COG8: variants seen among roughly 807,000 people sequenced by gnomAD.
COG8 encodes the protein conserved oligomeric Golgi complex subunit 8.
A neutral mutation model predicts 46.5 loss-of-function variants in COG8; 45 were observed. That is an observed-to-expected ratio of 0.97 (90% CI 0.76 to 1.24). COG8 has a LOEUF of 1.24. COG8 is among the 50% of genes most tolerant of loss of function. The pLI is 0.00. For missense variants in COG8, 793 were observed against 820.8 expected, an observed-to-expected ratio of 0.97 and a Z score of 0.41; for synonymous variants, 407 against 347.8, an observed-to-expected ratio of 1.17 and a Z score of -1.90.
chr16:69,334,402 C>G lies in COG8; in HGVS notation c.1413+119G>C. 6.4e-6 allele frequency: 6 copies of G among 937,274 alleles called. No individual in the cohort carries two copies. The South Asian group carries it at 8.4e-5, about 13-fold the overall frequency. The allele number at this position is 937,274 out of a possible 1,614,324, so 58.1% of individuals were successfully genotyped here. A position where few individuals can be genotyped will look rare whatever the true frequency, so the allele number is the denominator to read the frequency against. ...TTCTCAATCAGGAGAACCTCCAAAACCACACTAGACCTCTCCATGTCAGCA... is the reference window on the plus strand; with the variant it reads ...TTCTCAATCAGGAGAACCTCCAAAAGCACACTAGACCTCTCCATGTCAGCA... On this transcript the variant is annotated intron_variant, in intron 3 of 5. Coordinates refer to ENST00000306875, the MANE Select transcript of COG8 (RefSeq NM_032382.5).
Position 69,336,660 on chromosome 16 carries a change from G to A in COG8, c.430C>T (p.Leu144=). 1 of 1,614,126 alleles carries A rather than the reference G, an allele frequency of 6.2e-7. No individual in the cohort carries two copies. The highest frequency in any genetic ancestry group is 1.1e-5 in the South Asian group (1 of 91,082). Residue 144 remains leucine, a synonymous_variant, in exon 2 of 6, where the codon CTG becomes TTG. Transcript: ENST00000306875. ...EISSNRRMNS[L]TLNRHTEILE... ...ATTTCTGTGTGCCGGTTTAGGGTCA[G>A]GCTATTCATCCGGCGGTTGGAGCTG...
intron 1 of COG8, among the ~76,000 whole-genome samples, chr16:69,337,628 G>C (rs1227559440): frequency 6.6e-6 from 1 of 152,136 alleles, no homozygotes; most frequent in Non-Finnish European, 1.5e-5. Flanking sequence ...GGGTACAAAA[G>C]CTGCTGTCAA....
chr16:69,337,784 T>G (rs2012286039), intron 1 of COG8, among the ~76,000 whole-genome samples: 1 of 149,184 alleles, frequency 6.7e-6, no homozygotes, highest in Non-Finnish European at 1.5e-5. Flanking sequence ...CAGGCTGGAG[T>G]GCAGTGGCAC....
At chr16:69,329,852 G>A (rs945227704) in intron 5 of COG8, 2 of 1,054,682 alleles carry the variant, frequency 1.9e-6, no homozygotes, top group South Asian at 3.4e-5. Context: ...GCTTCTATCC[G>A]TCCTGAGGCC....
rs1382318950 is a variant in COG8, at chr16:69,328,943, G to A, written c.*263C>T. On this transcript the variant is annotated 3_prime_UTR_variant, in exon 6 of 6. Transcript: ENST00000306875. ...TCATATGCGAGCCATCCAAGTTGAT[G>A]CCAAGTAAGATTTGCCCAGCTCAAA... 3 of 1,538,360 alleles carry A rather than the reference G, an allele frequency of 2.0e-6. No individual in the cohort carries two copies. The highest frequency in any genetic ancestry group is 2.8e-5 in the African/African-American group (2 of 71,432).
intron 4 of COG8, among the ~76,000 whole-genome samples, chr16:69,332,348 CA>C (rs528941857): frequency 0.018 from 2,349 of 130,354 alleles, 51 homozygotes; most frequent in African/African-American, 0.058. Context: ...GACTCCGCCT[CA>C]AAAAAAAAAA....
Position 69,334,807 on chromosome 16 carries a change from A to G in COG8, c.1127T>C (p.Ile376Thr). The stretch of plus-strand genomic sequence containing the variant: ...CTGAATTGCTTTCTGGAAAGTGCTG[A>G]TGGCCACCCGCTGGAAAACAGGAGC... ...QLAPVFQRVA[I>T]STFQKAIQET... The change falls in exon 3 of 6, where the codon ATC becomes ACC. Residue 376 changes from isoleucine (I) to threonine (T), a missense_variant. Coordinates refer to ENST00000306875, the MANE Select transcript of COG8 (RefSeq NM_032382.5). The G allele has an allele frequency of 6.2e-7, 1 of 1,614,148 alleles. No homozygotes were observed. The highest frequency in any genetic ancestry group is 8.5e-7 in the Non-Finnish European group (1 of 1,180,034).
chr16:69,329,246 C>T (rs1034023883), intron 5 of COG8, 67 bp from the exon 6 acceptor site: 17 of 1,451,178 alleles, frequency 1.2e-5, no homozygotes, highest in Non-Finnish European at 1.5e-5. Flanking sequence ...ACCTCCCTAC[C>T]CCTGCCCCCG....
Position 69,329,111 on chromosome 16 carries a change from C to G in COG8, c.*95G>C. 3 of 1,611,320 alleles carry G rather than the reference C, an allele frequency of 1.9e-6. No homozygotes were observed. In the Admixed American group the frequency reaches 5.0e-5, roughly 27 times the overall value. ...AGGCAGCCCTGCAGGTGGTCCATCTCGTGCTGGATGATGCGGGCTGCCCAC... is the reference window on the plus strand; with the variant it reads ...AGGCAGCCCTGCAGGTGGTCCATCTGGTGCTGGATGATGCGGGCTGCCCAC... On this transcript the variant is annotated 3_prime_UTR_variant, in exon 6 of 6. Coordinates refer to ENST00000306875, the MANE Select transcript of COG8 (RefSeq NM_032382.5).
chr16:69,332,797 G>C lies in COG8; in HGVS notation c.1499C>G (p.Thr500Ser). The C allele has an allele frequency of 6.2e-7, 1 of 1,614,170 alleles. No homozygotes were observed. The highest frequency in any genetic ancestry group is 1.6e-4 in the Middle Eastern group (1 of 6,062). Reference protein sequence around the residue: ...GEQELFVQFCTVFLEDLVPYL... With the variant: ...GEQELFVQFCSVFLEDLVPYL... Reference sequence around the variant, plus strand: ...CGGAACAAGGTCTTCCAGGAAGACAGTGCAGAACTGGACAAAGAGCTCTTG... The same window carrying C: ...CGGAACAAGGTCTTCCAGGAAGACACTGCAGAACTGGACAAAGAGCTCTTG... The change falls in exon 4 of 6, where the codon ACT becomes AGT. Residue 500 changes from threonine to serine, a missense_variant. By Grantham distance (58) the Thr-to-Ser change is moderately conservative (BLOSUM62 1). Transcript: ENST00000306875.
At chr16:69,330,525 C>T in intron 5 of COG8, 1 of 1,476,364 alleles carries the variant, frequency 6.8e-7, no homozygotes, top group South Asian at 1.3e-5. Context: ...CACGGCACGG[C>T]CGCCCACAGT....
At position 69,328,367 on chromosome 16, in the gene COG8, G is replaced by A. The variant is rs1567427792; in HGVS notation, c.*839C>T. The stretch of plus-strand genomic sequence containing the variant: ...AATTGTTAACAGGAAAGGGCTCAGT[G>A]CACTTCTCAATTGTCACCCCTGCCC... On this transcript the variant is annotated 3_prime_UTR_variant, in exon 6 of 6. Transcript: ENST00000306875. 1 of 152,318 alleles carries A rather than the reference G, an allele frequency of 6.6e-6. No individual in the cohort carries two copies. The highest frequency in any genetic ancestry group is 2.4e-5 in the African/African-American group (1 of 41,430). 9.4% of individuals were successfully genotyped at this position (152,318 alleles called of 1,614,324 possible).
rs569124919 is a variant in COG8, at chr16:69,335,336, C to G, written c.598G>C (p.Glu200Gln). 6.9e-6 allele frequency: 11 copies of G among 1,597,818 alleles called. No homozygotes were observed. Among genetic ancestry groups the G allele is most frequent in the Non-Finnish European group, 8.5e-6 (10 of 1,175,988 alleles). The change falls in exon 3 of 6, where the codon GAA becomes CAA. Residue 200 changes from glutamate (E) to glutamine (Q), a missense_variant. By Grantham distance (29) the Glu-to-Gln change is conservative. Coordinates refer to ENST00000306875, the MANE Select transcript of COG8 (RefSeq NM_032382.5). Reference sequence around the variant, plus strand: ...ATCAGCTGCATGGACTGGCGCACTTCGTTCACGATGCCCTGACAATACACA... The same window carrying G: ...ATCAGCTGCATGGACTGGCGCACTTGGTTCACGATGCCCTGACAATACACA... ...SIPVIQGIVN[E>Q]VRQSMQLMLS... is the part of the protein sequence containing the mutation.
intron 5 of COG8, 121 bp downstream of exon 5, chr16:69,330,692 T>A: frequency 2.9e-6 from 4 of 1,394,748 alleles, no homozygotes; most frequent in Non-Finnish European, 3.7e-6. Flanking sequence ...CTGCTTAGAC[T>A]GGCAGTGAGC....
At chr16:69,333,746 T>G (rs184698292) in intron 3 of COG8, among the ~76,000 whole-genome samples, 1 of 152,278 alleles carries the variant, frequency 6.6e-6, no homozygotes, top group Admixed American at 6.5e-5. Flanking sequence ...TCCCACACTT[T>G]GAGGGTCTGT....
chr16:69,338,010 G>C (rs2012301442), intron 1 of COG8, among the ~76,000 whole-genome samples: 1 of 152,134 alleles, frequency 6.6e-6, no homozygotes, highest in Non-Finnish European at 1.5e-5. Flanking sequence ...GGGATTACAG[G>C]TGTGAGCCAC....
Position 69,329,453 on chromosome 16 carries a change from A to G in COG8, c.*27-274T>C, listed in dbSNP as rs1218923597. Among the ~76,000 whole-genome samples, 5 of 152,284 alleles carry G rather than the reference A, an allele frequency of 3.3e-5. 1 individual carries two copies. The highest frequency in any genetic ancestry group is 3.3e-4 in the Admixed American group (5 of 15,302). ...ATCTTTCTACGGTGCGACCCTTCCG[A>G]ACACTCCTCCCACTTCTGAGGTACC... On this transcript the variant is annotated intron_variant, in intron 5 of 5. Transcript: ENST00000306875.
In COG8 at chr16:69,335,294, G is replaced by A; in HGVS notation, c.640C>T (p.Gln214Ter). The change falls in exon 3 of 6, where the codon CAG (glutamine) becomes TAG (stop). Residue 214 changes from glutamine (Q) to a stop codon, truncating the protein, a stop_gained. Transcript: ENST00000306875. LOFTEE classifies it high-confidence loss of function. ...SMQLMLSQLI[Q>*]QLRTNIQLPA... ...AGCTGGATGTTGGTCCTCAGTTGCT[G>A]GATCAGCTGGCTCAGCATCAGCTGC... 1.2e-6 allele frequency: 2 copies of A among 1,611,514 alleles called. No homozygotes were observed. Among genetic ancestry groups the A allele is most frequent in the Admixed American group, 1.7e-5 (1 of 59,816 alleles).
rs1484137176 is a variant in COG8, at chr16:69,339,253, G to GATGCGCTCGGTGCACTCGGCGCCGC, written c.275_299dup (p.Ile100MetfsTer52). ...CCTCCACGTCGCCAAACAGGCGGTGGATGCGCTCGGTGCACTCGGCGCCGC... is the reference window on the plus strand; with the variant it reads ...CCTCCACGTCGCCAAACAGGCGGTGGATGCGCTCGGTGCACTCGGCGCCGCATGCGCTCGGTGCACTCGGCGCCGC... On this transcript the variant is annotated frameshift_variant, in exon 1 of 6. Coordinates refer to ENST00000306875, the MANE Select transcript of COG8 (RefSeq NM_032382.5). LOFTEE classifies it high-confidence loss of function. 6.2e-7 allele frequency: 1 copy of GATGCGCTCGGTGCACTCGGCGCCGC among 1,612,724 alleles called. No homozygotes were observed. The highest frequency in any genetic ancestry group is 1.1e-5 in the South Asian group (1 of 91,082).
Sources: gnomAD v4.1 joint callset for allele counts (sites outside exome capture counted in the v4.1 genomes callset) on GRCh38, gnomAD v4.1.1 for gene constraint, MANE v1.5 for transcripts, NCBI Gene and HGNC (gene_info 2026-07-23, HGNC 2026-07-21) for gene names.